The following DNAH7 variants were observed in gnomAD, a reference collection of about 807,000 sequenced individuals.
The protein encoded by DNAH7 is dynein axonemal heavy chain 7.
In DNAH7, 397 loss-of-function variants were observed where a neutral mutation model predicts 444.6. That is an observed-to-expected ratio of 0.89 (90% CI 0.82 to 0.97). The LOEUF (loss-of-function observed/expected upper bound fraction) is 0.97, where lower values mean the gene tolerates loss of function less well. DNAH7 is among the 50% of genes least tolerant of loss of function. The pLI is 0.00. For synonymous variants in DNAH7, 1,636 were observed against 1,624.4 expected (o/e 1.01, Z -0.17); for missense variants, 4,902 against 4,800.8 (o/e 1.02, Z -0.62).
Position 195,834,196 on chromosome 2 carries a change from A to G in DNAH7, c.9100+10T>C, listed in dbSNP as rs997925475. 2.5e-5 allele frequency: 40 copies of G among 1,598,516 alleles called. No individual in the cohort carries two copies. In the African/African-American group the frequency reaches 4.0e-4, roughly 16 times the overall value. On this transcript the variant is annotated intron_variant, in intron 48 of 64. Coordinates refer to ENST00000312428, the MANE Select transcript of DNAH7 (RefSeq NM_018897.3). ...GTTCTGTAATGTATCTTAGTTATTC[A>G]ACTACATACCAGGAGTACCAAACTG...
At chr2:196,058,673 T>C (rs141012559) in intron 1 of DNAH7, among the ~76,000 whole-genome samples, 3 of 152,244 alleles carry the variant, frequency 2.0e-5, no homozygotes, top group Non-Finnish European at 4.4e-5. Context: ...TAAAACATTA[T>C]TGAAAAAAAT....
intron 5 of DNAH7, among the ~76,000 whole-genome samples, chr2:196,040,756 T>C (rs1181795747): frequency 6.6e-6 from 1 of 152,110 alleles, no homozygotes; most frequent in African/African-American, 2.4e-5. Flanking sequence ...GGCATCCTAA[T>C]TGGAAAGGTA....
In DNAH7 at chr2:195,864,495, C is replaced by A; in HGVS notation, c.7160G>T (p.Cys2387Phe). Reference sequence around the variant, plus strand: ...GACACCCTGCATCTCACCTTCCGCACATTTCCTTAAGATCACTTTTAAATC... The same window carrying A: ...GACACCCTGCATCTCACCTTCCGCAAATTTCCTTAAGATCACTTTTAAATC... ...HEDLKVILRK[C>F]AEGEMQGVFL... Residue 2387 changes from cysteine (C) to phenylalanine (F), a missense_variant, in exon 41 of 65, where the codon TGT (cysteine) becomes TTT (phenylalanine). Physicochemically the swap from Cys to Phe is radical, Grantham distance 205. Transcript: ENST00000312428. 1.2e-6 allele frequency: 2 copies of A among 1,614,218 alleles called. No individual in the cohort carries two copies. The highest frequency in any genetic ancestry group is 2.2e-5 in the South Asian group (2 of 91,082).
chr2:195,848,809 T>C (rs1699175111), intron 46 of DNAH7, among the ~76,000 whole-genome samples: 3 of 152,340 alleles, frequency 2.0e-5, no homozygotes, highest in Admixed American at 6.5e-5. Flanking sequence ...TGGGGGCCTC[T>C]GGAAGCTATC....
chr2:195,839,870 T>A (rs1177504370), intron 47 of DNAH7, among the ~76,000 whole-genome samples: 1 of 151,810 alleles, frequency 6.6e-6, no homozygotes, highest in Non-Finnish European at 1.5e-5. Flanking sequence ...AATTCATGGA[T>A]AAAATCTTTC....
intron 1 of DNAH7, among the ~76,000 whole-genome samples, chr2:196,059,619 T>C (rs757711655): frequency 3.1e-4 from 47 of 152,212 alleles, no homozygotes; most frequent in Non-Finnish European, 6.5e-4. Context: ...TGTCAATCTG[T>C]GGTGTGAGGC....
intron 10 of DNAH7, among the ~76,000 whole-genome samples, chr2:196,008,876 T>G (rs550866270): frequency 1.3e-5 from 2 of 152,286 alleles, no homozygotes; most frequent in South Asian, 4.1e-4. Context: ...CTGGGTAATT[T>G]ATAAAGAAAA....
At chr2:195,764,597 C>A (rs1449459586) in intron 61 of DNAH7, among the ~76,000 whole-genome samples, 1 of 151,886 alleles carries the variant, frequency 6.6e-6, no homozygotes, top group Non-Finnish European at 1.5e-5. Context: ...CAAGAGTGAA[C>A]AATCTGAAAA....
In DNAH7 at chr2:195,845,537, T is replaced by C. The variant is rs114574850; in HGVS notation, c.8782-372A>G. ...TATTCTAAAATTCATATGGAACCAATAAAGAGCCCGAATAGCCAAAGCTAT... is the reference window on the plus strand; with the variant it reads ...TATTCTAAAATTCATATGGAACCAACAAAGAGCCCGAATAGCCAAAGCTAT... On this transcript the variant is annotated intron_variant, in intron 46 of 64. Coordinates refer to ENST00000312428, the MANE Select transcript of DNAH7 (RefSeq NM_018897.3). 7.2e-3 allele frequency among the ~76,000 whole-genome samples: 1,094 copies of C among 152,154 alleles called. 13 individuals carry two copies. Among genetic ancestry groups the C allele is most frequent in the African/African-American group, 0.025 (1,057 of 41,526 alleles).
At chr2:195,918,994 T>C (rs1018026659) in intron 24 of DNAH7, among the ~76,000 whole-genome samples, 6 of 152,142 alleles carry the variant, frequency 3.9e-5, no homozygotes, top group Admixed American at 2.6e-4. Flanking sequence ...TTCAAGTGTG[T>C]AATCCCAGCA....
chr2:195,778,003 A>C lies in DNAH7; in HGVS notation c.10879-18T>G. On this transcript the variant is annotated intron_variant, in intron 58 of 64. Transcript: ENST00000312428. ...GGCAGTTCCTAAAATAGTGCGTGTC[A>C]GTCAACCAGTTATCAGTAGCATGTT... is the stretch of plus-strand genomic sequence containing the variant. 6.3e-7 allele frequency: 1 copy of C among 1,577,650 alleles called. No individual in the cohort carries two copies. The highest frequency in any genetic ancestry group is 8.6e-7 in the Non-Finnish European group (1 of 1,157,222).
chr2:195,780,190 AT>A (rs1695305693), intron 58 of DNAH7, among the ~76,000 whole-genome samples: 1 of 152,166 alleles, frequency 6.6e-6, no homozygotes, highest in Admixed American at 6.5e-5. Flanking sequence ...ATAATTGATA[AT>A]AAAACAATAT....
intron 8 of DNAH7, among the ~76,000 whole-genome samples, chr2:196,020,891 C>T (rs943054246): frequency 2.6e-5 from 4 of 151,914 alleles, no homozygotes; most frequent in African/African-American, 7.2e-5. Context: ...GAATTACGGG[C>T]GTAAGCCACC....
chr2:195,842,431 C>T (rs1003657632), intron 47 of DNAH7, among the ~76,000 whole-genome samples: 5 of 152,012 alleles, frequency 3.3e-5, no homozygotes, highest in Admixed American at 6.6e-5. Flanking sequence ...TAGATACTAT[C>T]GTTGTCAAGC....
intron 40 of DNAH7, among the ~76,000 whole-genome samples, chr2:195,866,651 G>A (rs1278681453): frequency 1.3e-5 from 2 of 152,126 alleles, no homozygotes; most frequent in Non-Finnish European, 2.9e-5. Flanking sequence ...ATCATCTGAG[G>A]TACTTATTCA....
chr2:195,819,571 C>A (rs563911406), intron 49 of DNAH7, among the ~76,000 whole-genome samples: 1 of 152,144 alleles, frequency 6.6e-6, no homozygotes, highest in Non-Finnish European at 1.5e-5. Context: ...AAGATACAGT[C>A]TGGTCCCTGC....
chr2:195,942,161 A>G lies in DNAH7; in HGVS notation c.3079-5369T>C, dbSNP rs79654165. ...AAAGAAGTGATAAGAAGTGCCAAAA[A>G]AGTCAAAGGTGGGTTAATTTCAAAT... On this transcript the variant is annotated intron_variant, in intron 19 of 64. Transcript: ENST00000312428. 2.3e-3 allele frequency among the ~76,000 whole-genome samples: 351 copies of G among 152,242 alleles called. 2 individuals carry two copies. The highest frequency in any genetic ancestry group is 7.9e-3 in the African/African-American group (327 of 41,562).
At chr2:195,927,516 TAAA>T (rs1430925732) in intron 21 of DNAH7, among the ~76,000 whole-genome samples, 56 of 151,328 alleles carry the variant, frequency 3.7e-4, no homozygotes, top group African/African-American at 1.3e-3. Context: ...AGTAAATAAA[TAAA>T]TAAATAAATT....
At chr2:195,839,991 G>A (rs914138760) in intron 47 of DNAH7, among the ~76,000 whole-genome samples, 5 of 151,688 alleles carry the variant, frequency 3.3e-5, no homozygotes, top group African/African-American at 1.2e-4. Flanking sequence ...TAGGAGAGAA[G>A]ACTTCCCAAT....
Sources: allele counts gnomAD v4.1 joint callset (sites outside exome capture counted in the v4.1 genomes callset), GRCh38; gene constraint gnomAD v4.1.1; transcripts MANE v1.5; gene names NCBI Gene and HGNC (gene_info 2026-07-23, HGNC 2026-07-21).